Variants in NAALADL2 observed in about 807,000 individuals in gnomAD.
NAALADL2 encodes N-acetylated alpha-linked acidic dipeptidase like 2, also known as inactive N-acetylated-alpha-linked acidic dipeptidase-like protein 2.
A neutral mutation model predicts 87.2 loss-of-function variants in NAALADL2; 76 were observed. That is an observed-to-expected ratio of 0.87 (90% CI 0.72 to 1.05). NAALADL2 has a LOEUF of 1.05. Ranked by LOEUF, NAALADL2 falls within the 50% of genes least tolerant of loss-of-function variation. The pLI, the probability that NAALADL2 is intolerant of heterozygous loss-of-function variation, is 0.00. For missense variants in NAALADL2, 1,089 were observed against 945.8 expected (o/e 1.15, Z -1.99); for synonymous variants, 354 against 331.0 (o/e 1.07, Z -0.75).
intron 5 of NAALADL2, among the ~76,000 whole-genome samples, chr3:175,374,279 C>T (rs1456802896): frequency 6.6e-6 from 1 of 151,594 alleles, no homozygotes; most frequent in Non-Finnish European, 1.5e-5. Flanking sequence ...CTTGGCTGGG[C>T]ACGGTGGCTC....
intron 2 of NAALADL2, among the ~76,000 whole-genome samples, chr3:174,703,423 T>C (rs1380904775): frequency 6.6e-6 from 1 of 151,920 alleles, no homozygotes; most frequent in East Asian, 1.9e-4. Flanking sequence ...AATATTTAAG[T>C]TTTTGAAGAG....
chr3:175,254,518 C>T (rs571788108), intron 3 of NAALADL2, among the ~76,000 whole-genome samples: 9 of 152,194 alleles, frequency 5.9e-5, no homozygotes, highest in Admixed American at 6.5e-5. Flanking sequence ...TGCCTGTATA[C>T]ACAATCTGAT....
At chr3:175,791,628 T>C (rs183697111) in intron 13 of NAALADL2, among the ~76,000 whole-genome samples, 2 of 152,312 alleles carry the variant, frequency 1.3e-5, no homozygotes, top group African/African-American at 4.8e-5. Flanking sequence ...CAAACATTGA[T>C]GTCCTAAACT....
In NAALADL2 at chr3:175,145,469, A is replaced by G. The variant is rs116511431; in HGVS notation, c.545+48178A>G. Among the ~76,000 whole-genome samples, 441 of 152,192 alleles carry G rather than the reference A, an allele frequency of 2.9e-3. 2 individuals are homozygous for G. Among genetic ancestry groups the G allele is most frequent in the African/African-American group, 0.01 (427 of 41,558 alleles). On this transcript the variant is annotated intron_variant, in intron 2 of 13. Coordinates refer to ENST00000454872, the MANE Select transcript of NAALADL2 (RefSeq NM_207015.3). Reference sequence around the variant, plus strand: ...AACAGAATTGGTTTTCTATATTTCTATTGGCTTGACGAGCAATGGATGAAA... The same window carrying G: ...AACAGAATTGGTTTTCTATATTTCTGTTGGCTTGACGAGCAATGGATGAAA...
In NAALADL2 at chr3:174,778,452, ACCAG is replaced by A. The variant is rs1560217114; in HGVS notation, c.-9+40707_-9+40710del. Among the ~76,000 whole-genome samples, 250 of 151,814 alleles carry A rather than the reference ACCAG, an allele frequency of 1.6e-3. 2 individuals are homozygous for A. Among genetic ancestry groups the A allele is most frequent in the African/African-American group, 5.9e-3 (243 of 41,430 alleles). ...CAGAGATTTACTAGGGCTACTCTGC[ACCAG>A]GTTTGGGTTAGGATGTTATTTATTT... On this transcript the variant is annotated intron_variant, in intron 3 of 3. Transcript: ENST00000434257.
chr3:175,603,457 A>C (rs1344727923), intron 10 of NAALADL2, among the ~76,000 whole-genome samples: 1 of 152,160 alleles, frequency 6.6e-6, no homozygotes, highest in Admixed American at 6.5e-5. Context: ...TATACCCAGT[A>C]AACAATGATT....
chr3:175,327,788 C>G (rs1304587751), intron 5 of NAALADL2, among the ~76,000 whole-genome samples: 2 of 151,974 alleles, frequency 1.3e-5, no homozygotes, highest in African/African-American at 2.4e-5. Context: ...TTTCCTCTGC[C>G]CCTCTGGGTT....
At chr3:175,593,452 A>T (rs1349029991) in intron 10 of NAALADL2, among the ~76,000 whole-genome samples, 1 of 152,144 alleles carries the variant, frequency 6.6e-6, no homozygotes, top group Non-Finnish European at 1.5e-5. Context: ...AAGTGGGTTA[A>T]TGCCTAATTA....
At chr3:175,735,525 T>G (rs1744382724) in intron 11 of NAALADL2, among the ~76,000 whole-genome samples, 2 of 152,200 alleles carry the variant, frequency 1.3e-5, no homozygotes, top group Non-Finnish European at 1.5e-5. Context: ...AATGGAAAAC[T>G]CACAGTTTCA....
intron 5 of NAALADL2, among the ~76,000 whole-genome samples, chr3:175,353,624 A>G (rs1254438003): frequency 6.6e-6 from 1 of 152,190 alleles, no homozygotes; most frequent in Non-Finnish European, 1.5e-5. Flanking sequence ...TTCTACTATC[A>G]TTTTGAGTTT....
At chr3:174,888,301 A>C (rs1467825670) in intron 1 of NAALADL2, among the ~76,000 whole-genome samples, 1 of 152,236 alleles carries the variant, frequency 6.6e-6, no homozygotes, top group Non-Finnish European at 1.5e-5. Context: ...TTACATTCTA[A>C]GTATAAAGAG....
rs558023361 is a variant in NAALADL2, at chr3:174,589,271, C to A, written c.-115+38634C>A. Among the ~76,000 whole-genome samples the A allele has an allele frequency of 2.0e-5, 3 of 152,328 alleles. No homozygotes were observed. In the South Asian group the frequency reaches 6.2e-4, roughly 32 times the overall value. On this transcript the variant is annotated intron_variant, in intron 2 of 3. Transcript: ENST00000434257. ...AGTGTCCCAATTTTCCAGGTACCAT[C>A]TGTCACGGCTTCCCTTGGCTAGGAA...
chr3:175,731,823 C>T (rs1183484337), intron 11 of NAALADL2, among the ~76,000 whole-genome samples: 3 of 152,122 alleles, frequency 2.0e-5, no homozygotes, highest in Non-Finnish European at 4.4e-5. Flanking sequence ...TCAGAGAAGT[C>T]GCCTTTCTCC....
At chr3:174,556,011 G>A (rs1049412421) in intron 2 of NAALADL2, among the ~76,000 whole-genome samples, 7 of 75,782 alleles carry the variant, frequency 9.2e-5, no homozygotes, top group African/African-American at 1.8e-4. Flanking sequence ...GTGTGTGTGC[G>A]CGCACGTGAG....
At chr3:174,846,656 T>C (rs1724655907) in intron 3 of NAALADL2, among the ~76,000 whole-genome samples, 3 of 152,206 alleles carry the variant, frequency 2.0e-5, no homozygotes, top group Admixed American at 1.3e-4. Flanking sequence ...ATGTATGATA[T>C]ATTCTTAGAT....
intron 9 of NAALADL2, among the ~76,000 whole-genome samples, chr3:175,496,147 A>T (rs1039523307): frequency 5.3e-5 from 8 of 152,150 alleles, no homozygotes; most frequent in Non-Finnish European, 1.5e-5. Flanking sequence ...ATATTAAAAC[A>T]AGATACAATG....
chr3:175,020,898 A>C (rs980570735), intron 1 of NAALADL2, among the ~76,000 whole-genome samples: 6 of 152,026 alleles, frequency 3.9e-5, no homozygotes, highest in African/African-American at 1.4e-4. Flanking sequence ...CCTCCAGCAA[A>C]GATATTAGCA....
At chr3:174,594,616 G>T (rs1229101948) in intron 2 of NAALADL2, among the ~76,000 whole-genome samples, 1 of 152,152 alleles carries the variant, frequency 6.6e-6, no homozygotes, top group East Asian at 1.9e-4. Context: ...GCTAACCAAA[G>T]AATGGCCTGG....
At chr3:175,133,228 A>G (rs1473367288) in intron 2 of NAALADL2, among the ~76,000 whole-genome samples, 1 of 148,756 alleles carries the variant, frequency 6.7e-6, no homozygotes, top group Non-Finnish European at 1.5e-5. Flanking sequence ...GACGCTCCTC[A>G]CTTTCCAGAC....
Sources: allele counts gnomAD v4.1 joint callset (sites outside exome capture counted in the v4.1 genomes callset), GRCh38; gene constraint gnomAD v4.1.1; transcripts MANE v1.5; gene names NCBI Gene and HGNC (gene_info 2026-07-23, HGNC 2026-07-21).